The following TMEM178B variants were observed in gnomAD, a reference collection of about 807,000 sequenced individuals.
TMEM178B encodes the protein transmembrane protein 178B.
A neutral mutation model predicts 31.0 loss-of-function variants in TMEM178B; 5 were observed. The ratio of observed to expected loss-of-function variants is 0.16; its 90% CI spans 0.08 to 0.34. The LOEUF is 0.34. Among genes scored for constraint, TMEM178B ranks in the 10% least tolerant of loss-of-function variants. TMEM178B has a pLI of 1.00. For synonymous variants in TMEM178B, 164 were observed against 164.0 expected (o/e 1.00, Z 0.00); for missense variants, 275 against 400.3 (o/e 0.69, Z 2.67).
At chr7:141,367,809 G>A (rs747958588) in intron 2 of TMEM178B, among the ~76,000 whole-genome samples, 3 of 152,124 alleles carry the variant, frequency 2.0e-5, no homozygotes, top group Non-Finnish European at 4.4e-5. Context: ...TGAGCTGAGA[G>A]CTGAGAGGTG....
intron 2 of TMEM178B, among the ~76,000 whole-genome samples, chr7:141,260,213 T>G (rs771745209): frequency 6.6e-6 from 1 of 152,190 alleles, no homozygotes; most frequent in Admixed American, 6.5e-5. Context: ...TGCAGTATAC[T>G]CCAAATCAAG....
intron 2 of TMEM178B, among the ~76,000 whole-genome samples, chr7:141,258,696 AT>A (rs1797968053): frequency 6.6e-6 from 1 of 152,114 alleles, no homozygotes; most frequent in South Asian, 2.1e-4. Context: ...ATTTTGCTAC[AT>A]TTTTGAAGCA....
chr7:141,364,659 C>CAAAA (rs980786132), intron 2 of TMEM178B, among the ~76,000 whole-genome samples: 2 of 47,700 alleles, frequency 4.2e-5, no homozygotes, highest in Non-Finnish European at 8.2e-5. Context: ...GACTCTGTCT[C>CAAAA]AAAAAAAAAA....
At position 141,076,129 on chromosome 7, in the gene TMEM178B, G is replaced by A. The variant is rs498015; in HGVS notation, c.382+1437G>A. On this transcript the variant is annotated intron_variant, in intron 1 of 3. Coordinates refer to ENST00000565468, the MANE Select transcript of TMEM178B (RefSeq NM_001195278.2). The stretch of plus-strand genomic sequence containing the variant: ...ACAATTGGGTTCTTATTGGAACAAG[G>A]TGACCCATTTGGAGCACTACCACTT... Among the ~76,000 whole-genome samples, 1,345 of 152,256 alleles carry A rather than the reference G, an allele frequency of 8.8e-3. 21 individuals carry two copies. Among genetic ancestry groups the A allele is most frequent in the African/African-American group, 0.03 (1,266 of 41,536 alleles).
intron 2 of TMEM178B, among the ~76,000 whole-genome samples, chr7:141,425,131 C>G (rs2116658733): frequency 6.6e-6 from 1 of 152,330 alleles, no homozygotes; most frequent in Admixed American, 6.5e-5. Flanking sequence ...TCAACACATG[C>G]CTGCACTTAG....
chr7:141,219,578 G>C (rs963940845), intron 2 of TMEM178B, among the ~76,000 whole-genome samples: 2 of 152,164 alleles, frequency 1.3e-5, no homozygotes, highest in Non-Finnish European at 2.9e-5. Flanking sequence ...AGGTTGCCTT[G>C]AGTCCTGAAG....
At chr7:141,377,769 C>T (rs1397158874) in intron 2 of TMEM178B, among the ~76,000 whole-genome samples, 1 of 151,796 alleles carries the variant, frequency 6.6e-6, no homozygotes, top group South Asian at 2.1e-4. Flanking sequence ...TCTACTGGTT[C>T]TTTTGGAAGT....
At chr7:141,424,673 A>G (rs1320803613) in intron 2 of TMEM178B, among the ~76,000 whole-genome samples, 1 of 152,120 alleles carries the variant, frequency 6.6e-6, no homozygotes. Context: ...ACAACCCAAA[A>G]AAGCCTCCCT....
chr7:141,428,188 A>G (rs1241976586), intron 2 of TMEM178B, among the ~76,000 whole-genome samples: 1 of 151,520 alleles, frequency 6.6e-6, no homozygotes, highest in African/African-American at 2.4e-5. Context: ...ACATGGAGAA[A>G]CCCTGTCTCT....
intron 1 of TMEM178B, among the ~76,000 whole-genome samples, chr7:141,135,110 A>G (rs1408276889): frequency 6.6e-6 from 1 of 152,204 alleles, no homozygotes; most frequent in Non-Finnish European, 1.5e-5. Flanking sequence ...AGGCCTCCCC[A>G]GCCATGTGAA....
At chr7:141,174,465 G>A (rs1451881978) in intron 1 of TMEM178B, among the ~76,000 whole-genome samples, 1 of 152,096 alleles carries the variant, frequency 6.6e-6, no homozygotes, top group Non-Finnish European at 1.5e-5. Flanking sequence ...GTATTCCTTT[G>A]GGTATATACC....
chr7:141,295,425 TTCTTG>T (rs1410903935), intron 2 of TMEM178B, among the ~76,000 whole-genome samples: 2 of 152,184 alleles, frequency 1.3e-5, no homozygotes, highest in Admixed American at 6.5e-5. Flanking sequence ...CTATTTTTTT[TTCTTG>T]TCTTTTCCAG....
intron 2 of TMEM178B, among the ~76,000 whole-genome samples, chr7:141,254,350 A>G (rs1797888221): frequency 1.3e-5 from 2 of 152,170 alleles, no homozygotes; most frequent in African/African-American, 4.8e-5. Flanking sequence ...GGTGCTACTC[A>G]GGGTTCCCAG....
chr7:141,482,174 A>G (rs887213096), downstream of TMEM178B, among the ~76,000 whole-genome samples: 2 of 152,220 alleles, frequency 1.3e-5, no homozygotes, highest in African/African-American at 4.8e-5. Context: ...CCTTAGCTTC[A>G]GAGCTTCTGG....
chr7:141,245,504 C>T (rs10277761), intron 2 of TMEM178B, among the ~76,000 whole-genome samples: 73,600 of 152,024 alleles, frequency 0.48, 18,246 homozygotes, highest in East Asian at 0.8. Context: ...AATAAAGAAA[C>T]GGCAAAAAGT....
intron 3 of TMEM178B, among the ~76,000 whole-genome samples, chr7:141,454,823 C>T (rs1005520657): frequency 6.6e-6 from 1 of 152,132 alleles, no homozygotes; most frequent in Non-Finnish European, 1.5e-5. Context: ...CCTCATCTGC[C>T]TCCTTTCTGT....
chr7:141,399,341 C>T (rs17162204), intron 2 of TMEM178B, among the ~76,000 whole-genome samples: 9,868 of 152,244 alleles, frequency 0.065, 386 homozygotes, highest in Admixed American at 0.099. Flanking sequence ...CTATTGCTAG[C>T]GTAAGCACTG....
At chr7:141,098,289 G>T (rs1794998560) in intron 1 of TMEM178B, among the ~76,000 whole-genome samples, 1 of 152,196 alleles carries the variant, frequency 6.6e-6, no homozygotes, top group Admixed American at 6.5e-5. Flanking sequence ...GTCAATGGAA[G>T]AATGTTCTTC....
intron 3 of TMEM178B, among the ~76,000 whole-genome samples, chr7:141,458,766 T>C (rs1300681333): frequency 6.6e-6 from 1 of 152,218 alleles, no homozygotes; most frequent in African/African-American, 2.4e-5. Context: ...GAGAGGGTAT[T>C]ATTCTGATGC....
Sources: gnomAD v4.1 joint callset for allele counts (sites outside exome capture counted in the v4.1 genomes callset) on GRCh38, gnomAD v4.1.1 for gene constraint, MANE v1.5 for transcripts, NCBI Gene and HGNC (gene_info 2026-07-23, HGNC 2026-07-21) for gene names.